CLNK: variants seen among roughly 807,000 people sequenced by gnomAD.
CLNK encodes cytokine dependent hematopoietic cell linker, also known as cytokine-dependent hematopoietic cell linker.
A neutral mutation model predicts 68.6 loss-of-function variants in CLNK; 74 were observed. The observed-to-expected ratio is 1.08, with a 90% CI of 0.89 to 1.31. The LOEUF is 1.31. Among genes scored for constraint, CLNK ranks in the 50% most tolerant of loss-of-function variants. CLNK has a pLI of 0.00. For missense variants in CLNK, 553 were observed against 515.3 expected, an observed-to-expected ratio of 1.07 and a Z score of -0.71; for synonymous variants, 198 against 172.2, an observed-to-expected ratio of 1.15 and a Z score of -1.17.
chr4:10,494,633 G>A (rs1716732193), intron 18 of CLNK, among the ~76,000 whole-genome samples: 1 of 151,998 alleles, frequency 6.6e-6, no homozygotes, highest in Non-Finnish European at 1.5e-5. Context: ...AACTTTTCGT[G>A]TTTTTAGTAG....
At chr4:10,587,091 A>G (rs58113339) in intron 3 of CLNK, among the ~76,000 whole-genome samples, 18,374 of 152,064 alleles carry the variant, frequency 0.12, 1,315 homozygotes, top group Middle Eastern at 0.18. Context: ...CAGCCTCACA[A>G]GTAACTGGGA....
At chr4:10,626,852 G>C (rs937586219) in intron 2 of CLNK, among the ~76,000 whole-genome samples, 1 of 152,124 alleles carries the variant, frequency 6.6e-6, no homozygotes, top group African/African-American at 2.4e-5. Context: ...CTTCACTCCT[G>C]GTTCTGCCTT....
intron 14 of CLNK, among the ~76,000 whole-genome samples, chr4:10,522,700 G>A (rs2109049215): frequency 6.6e-6 from 1 of 152,276 alleles, no homozygotes; most frequent in East Asian, 1.9e-4. Context: ...CATGGCCTCT[G>A]CCTGAATGAA....
At chr4:10,507,694 C>T (rs1717368097) in intron 17 of CLNK, among the ~76,000 whole-genome samples, 1 of 151,806 alleles carries the variant, frequency 6.6e-6, no homozygotes, top group African/African-American at 2.4e-5. Context: ...GTTGTTCAGG[C>T]TGGTCTCAAA....
intron 18 of CLNK, among the ~76,000 whole-genome samples, chr4:10,499,573 A>G (rs569365345): frequency 1.3e-5 from 2 of 152,328 alleles, no homozygotes; most frequent in East Asian, 3.9e-4. Flanking sequence ...TGGCAGCCCT[A>G]GCAATGTGCC....
At chr4:10,640,978 C>T (rs1327787474) in intron 2 of CLNK, among the ~76,000 whole-genome samples, 3 of 152,238 alleles carry the variant, frequency 2.0e-5, no homozygotes, top group African/African-American at 4.8e-5. Flanking sequence ...CCTCTGGAAG[C>T]TTGCCCAACC....
chr4:10,540,697 C>G (rs1718978957), intron 10 of CLNK, 93 bp from the exon 11 acceptor site: 2 of 847,994 alleles, frequency 2.4e-6, no homozygotes, highest in East Asian at 2.5e-5. Context: ...CTCCGTGTCC[C>G]CAGCTTTGGG....
At chr4:10,724,662 A>AGAAGAGAGGAAACAGCTCTTAGGT in the CLNK span, among the ~76,000 whole-genome samples, 4 of 151,882 alleles carry the variant, frequency 2.6e-5, no homozygotes, top group African/African-American at 9.7e-5. Flanking sequence ...AGCTCTTAGG[A>AGAAGAGAGGAAACAGCTCTTAGGT]AGAAGAGAGG....
intron 17 of CLNK, among the ~76,000 whole-genome samples, chr4:10,507,751 G>A (rs746407471): frequency 6.6e-6 from 1 of 152,104 alleles, no homozygotes; most frequent in Non-Finnish European, 1.5e-5. Context: ...CAAGGTGCTA[G>A]GATTACAGGT....
intron 2 of CLNK, among the ~76,000 whole-genome samples, chr4:10,612,169 C>T (rs1048999005): frequency 7.2e-5 from 11 of 152,320 alleles, no homozygotes; most frequent in African/African-American, 2.6e-4. Flanking sequence ...ACCCACATCT[C>T]TCAGCGAAAA....
chr4:10,526,793 C>G (rs898964901), intron 13 of CLNK, among the ~76,000 whole-genome samples: 1 of 152,264 alleles, frequency 6.6e-6, no homozygotes, highest in East Asian at 1.9e-4. Context: ...ATTACATATG[C>G]AATTTATGTT....
upstream of CLNK, among the ~76,000 whole-genome samples, chr4:10,688,865 C>T (rs1362881752): frequency 6.6e-6 from 1 of 151,426 alleles, no homozygotes; most frequent in Non-Finnish European, 1.5e-5. Flanking sequence ...TTATTTTAAC[C>T]TTTTAATTTT....
the CLNK span, among the ~76,000 whole-genome samples, chr4:10,717,317 C>T: frequency 1.3e-5 from 2 of 152,106 alleles, no homozygotes; most frequent in East Asian, 1.9e-4. Context: ...AAGCCGTGGC[C>T]GGGTGTGGTG....
rs918093874 is a variant in CLNK, at chr4:10,663,805, G to A, written c.11+4054C>T. 6.6e-5 allele frequency among the ~76,000 whole-genome samples: 10 copies of A among 152,306 alleles called. No individual in the cohort carries two copies. In the South Asian group the frequency reaches 2.1e-3, roughly 32 times the overall value. ...CAAGGTAAGGGTATTAAAAGGTGGGGCCTTTGGGGGCTGATTAGGCCAAGA... is the reference window on the plus strand; with the variant it reads ...CAAGGTAAGGGTATTAAAAGGTGGGACCTTTGGGGGCTGATTAGGCCAAGA... On this transcript the variant is annotated intron_variant, in intron 2 of 18. Coordinates refer to ENST00000226951, the MANE Select transcript of CLNK (RefSeq NM_052964.4).
chr4:10,570,107 C>G (rs1405199139), intron 5 of CLNK, among the ~76,000 whole-genome samples: 1 of 152,138 alleles, frequency 6.6e-6, no homozygotes. Flanking sequence ...GCAGGAGAAT[C>G]CTTTGGGGAT....
the CLNK span, among the ~76,000 whole-genome samples, chr4:10,718,236 G>T: frequency 1.3e-5 from 2 of 151,906 alleles, no homozygotes; most frequent in Non-Finnish European, 2.9e-5. Context: ...AAGAGGGAAG[G>T]GTTGAAAGAA....
the CLNK span, among the ~76,000 whole-genome samples, chr4:10,690,807 C>T: frequency 6.6e-6 from 1 of 152,150 alleles, no homozygotes. Context: ...CCATGAGTCC[C>T]CTTTCAGCTT....
chr4:10,560,675 C>T (rs1395862799), intron 7 of CLNK, among the ~76,000 whole-genome samples: 1 of 152,094 alleles, frequency 6.6e-6, no homozygotes, highest in African/African-American at 2.4e-5. Context: ...AACTCCTGGG[C>T]TCAAGCAATC....
chr4:10,641,925 C>G (rs939137226), intron 2 of CLNK, among the ~76,000 whole-genome samples: 1 of 152,190 alleles, frequency 6.6e-6, no homozygotes, highest in Non-Finnish European at 1.5e-5. Context: ...TTCTCATTCT[C>G]TCTTGCCTGC....
Sources: gnomAD v4.1 joint callset for allele counts (sites outside exome capture counted in the v4.1 genomes callset) on GRCh38, gnomAD v4.1.1 for gene constraint, MANE v1.5 for transcripts, NCBI Gene and HGNC (gene_info 2026-07-23, HGNC 2026-07-21) for gene names.